Variants in EYS observed in about 807,000 individuals in gnomAD.
The protein encoded by EYS is EGF-like photoreceptor maintenance factor, also known as protein eyes shut homolog.
A neutral mutation model predicts 282.1 loss-of-function variants in EYS; 250 were observed. The observed-to-expected ratio is 0.89, with a 90% CI of 0.80 to 0.98. The LOEUF is 0.98. EYS is among the 50% of genes least tolerant of loss of function. The pLI is 0.00. For synonymous variants in EYS, 1,355 were observed against 1,282.9 expected, an observed-to-expected ratio of 1.06 and a Z score of -1.20; for missense variants, 4,016 against 3,709.0, an observed-to-expected ratio of 1.08 and a Z score of -2.15.
intron 26 of EYS, among the ~76,000 whole-genome samples, chr6:64,510,512 T>G: frequency 6.6e-6 from 1 of 152,002 alleles, no homozygotes; most frequent in East Asian, 1.9e-4. Context: ...GATTGTACAA[T>G]ACTTAAAAAT....
At chr6:64,406,845 C>T (rs1362988961) in intron 28 of EYS, among the ~76,000 whole-genome samples, 1 of 152,190 alleles carries the variant, frequency 6.6e-6, no homozygotes, top group Non-Finnish European at 1.5e-5. Context: ...AATGCTTTTA[C>T]ACTGTTGGTA....
At chr6:65,196,668 C>G (rs1437446628) in intron 12 of EYS, among the ~76,000 whole-genome samples, 1 of 152,036 alleles carries the variant, frequency 6.6e-6, no homozygotes, top group Non-Finnish European at 1.5e-5. Flanking sequence ...ATTTGATGTG[C>G]TGAGAAGTAC....
intron 13 of EYS, among the ~76,000 whole-genome samples, chr6:65,032,311 T>C (rs9453158): frequency 0.038 from 5,841 of 152,164 alleles, 382 homozygotes; most frequent in African/African-American, 0.13. Context: ...ACCAGACATA[T>C]ATAAAAGAGT....
chr6:64,509,652 A>C (rs1777321956), intron 26 of EYS, among the ~76,000 whole-genome samples: 1 of 152,156 alleles, frequency 6.6e-6, no homozygotes, highest in Non-Finnish European at 1.5e-5. Context: ...CTGTAGTGAA[A>C]GAGTATTTTT....
At chr6:64,940,629 T>C (rs1382918993) in intron 15 of EYS, among the ~76,000 whole-genome samples, 1 of 152,074 alleles carries the variant, frequency 6.6e-6, no homozygotes, top group African/African-American at 2.4e-5. Context: ...GGTCTTTTTA[T>C]TTTTATATAT....
intron 40 of EYS, among the ~76,000 whole-genome samples, chr6:63,766,470 T>C (rs968956431): frequency 1.3e-5 from 2 of 152,018 alleles, no homozygotes; most frequent in African/African-American, 2.4e-5. Flanking sequence ...ATGGCTGGGA[T>C]AAGAAAGCAG....
intron 35 of EYS, among the ~76,000 whole-genome samples, chr6:63,889,301 G>T (rs911486542): frequency 1.3e-5 from 2 of 150,732 alleles, no homozygotes; most frequent in African/African-American, 2.4e-5. Flanking sequence ...ACAAAGAAGA[G>T]CAACCCCAAG....
chr6:64,655,430 T>TA, intron 22 of EYS, among the ~76,000 whole-genome samples: 1 of 152,062 alleles, frequency 6.6e-6, no homozygotes, highest in East Asian at 1.9e-4. Context: ...TAATATTTTA[T>TA]AAAAAATATC....
rs149454205 is a variant in EYS at position 64,999,195 on chromosome 6, G to C, written c.2138-1492C>G. On this transcript the variant is annotated intron_variant, in intron 13 of 42. Coordinates refer to ENST00000503581, the MANE Select transcript of EYS (RefSeq NM_001142800.2). Reference sequence around the variant, plus strand: ...GAAGAGAACCTAGAGAACTAAATTGGATACCAAAGGGAAATCGGATACTGC... The same window carrying C: ...GAAGAGAACCTAGAGAACTAAATTGCATACCAAAGGGAAATCGGATACTGC... Among the ~76,000 whole-genome samples, 121 of 152,188 alleles carry C rather than the reference G, an allele frequency of 8.0e-4. 3 individuals carry two copies. In the East Asian group the frequency reaches 0.022, roughly 28 times the overall value.
chr6:64,351,080 T>TAA (rs1205897064), intron 29 of EYS, among the ~76,000 whole-genome samples: 7 of 150,260 alleles, frequency 4.7e-5, no homozygotes, highest in African/African-American at 1.5e-4. Flanking sequence ...TTTTTTTTTT[T>TAA]AATAAATTAC....
At chr6:64,658,339 T>C (rs1473215025) in intron 22 of EYS, among the ~76,000 whole-genome samples, 1 of 152,164 alleles carries the variant, frequency 6.6e-6, no homozygotes, top group Non-Finnish European at 1.5e-5. Context: ...TCTGAAGCCT[T>C]CTTCTCTCAG....
intron 32 of EYS, among the ~76,000 whole-genome samples, chr6:64,074,887 T>G (rs1381031533): frequency 1.3e-5 from 2 of 151,930 alleles, no homozygotes; most frequent in African/African-American, 4.8e-5. Flanking sequence ...GCATCACTTG[T>G]AGTCAAACTA....
chr6:64,567,080 T>G (rs927119594), intron 26 of EYS, among the ~76,000 whole-genome samples: 3 of 152,090 alleles, frequency 2.0e-5, no homozygotes, highest in Non-Finnish European at 4.4e-5. Context: ...CGGCCTTAAT[T>G]CTAATCTTTC....
chr6:65,541,545 CAT>C (rs1359882996), intron 2 of EYS, among the ~76,000 whole-genome samples: 1 of 152,260 alleles, frequency 6.6e-6, no homozygotes, highest in Admixed American at 6.5e-5. Context: ...TATTTTAACA[CAT>C]CTTTCAACTT....
At chr6:64,442,426 T>A (rs1010802672) in intron 26 of EYS, among the ~76,000 whole-genome samples, 1 of 152,160 alleles carries the variant, frequency 6.6e-6, no homozygotes, top group African/African-American at 2.4e-5. Flanking sequence ...GAAAATCCCA[T>A]TTTCTGAGGA....
chr6:63,943,753 A>G (rs1431442388), intron 35 of EYS, among the ~76,000 whole-genome samples: 1 of 152,214 alleles, frequency 6.6e-6, no homozygotes, highest in African/African-American at 2.4e-5. Context: ...GCATTTCTCC[A>G]GATAGATAGT....
intron 29 of EYS, among the ~76,000 whole-genome samples, chr6:64,351,469 T>A (rs939091041): frequency 2.6e-5 from 4 of 151,486 alleles, no homozygotes; most frequent in African/African-American, 9.7e-5. Flanking sequence ...TCTACTTGTA[T>A]CATATTTGTA....
At chr6:65,456,459 A>C (rs1313777630) in intron 5 of EYS, among the ~76,000 whole-genome samples, 3 of 151,682 alleles carry the variant, frequency 2.0e-5, no homozygotes, top group Non-Finnish European at 2.9e-5. Flanking sequence ...AAAAAAAAAA[A>C]AAATTTACTC....
intron 28 of EYS, among the ~76,000 whole-genome samples, chr6:64,425,913 T>A (rs900843161): frequency 1.3e-5 from 2 of 151,926 alleles, no homozygotes; most frequent in African/African-American, 4.8e-5. Flanking sequence ...GAAGCGATGT[T>A]AGGAGTAGGA....
Sources: gnomAD v4.1 joint callset for allele counts (sites outside exome capture counted in the v4.1 genomes callset) on GRCh38, gnomAD v4.1.1 for gene constraint, MANE v1.5 for transcripts, NCBI Gene and HGNC (gene_info 2026-07-23, HGNC 2026-07-21) for gene names.